Variants in KY observed in about 807,000 individuals in gnomAD.
The protein encoded by KY is kyphoscoliosis peptidase.
KY carries 43 observed loss-of-function variants against 76.1 expected under a neutral mutation model. The observed-to-expected ratio is 0.57, with a 90% CI of 0.44 to 0.73. The LOEUF is 0.73. Ranked by LOEUF, KY falls within the 30% of genes least tolerant of loss-of-function variation. The probability of loss-of-function intolerance (pLI) is 0.00; values close to 1 mark genes in which losing one functional copy is unlikely to be tolerated. For missense variants in KY, 722 were observed against 828.9 expected (o/e 0.87, Z 1.58); for synonymous variants, 277 against 326.2 (o/e 0.85, Z 1.63).
chr3:134,606,991 T>A, intron 10 of KY: 1 of 983,900 alleles, frequency 1.0e-6, no homozygotes, highest in Non-Finnish European at 1.2e-6. Flanking sequence ...AAATACTCTG[T>A]ACATAAGTAT....
intron 8 of KY, among the ~76,000 whole-genome samples, chr3:134,617,157 G>T (rs1961713188): frequency 6.6e-6 from 1 of 152,182 alleles, no homozygotes; most frequent in Non-Finnish European, 1.5e-5. Flanking sequence ...TCCTTCTACA[G>T]TATGCTAGAA....
chr3:134,627,674 G>T, intron 5 of KY, 82 bp downstream of exon 5: 1 of 1,269,636 alleles, frequency 7.9e-7, no homozygotes, highest in African/African-American at 1.5e-5. Context: ...GGCCCAGGAA[G>T]CAACTGTCAA....
chr3:134,608,266 T>G, intron 10 of KY: 2 of 1,200,112 alleles, frequency 1.7e-6, no homozygotes, highest in Non-Finnish European at 2.1e-6. Context: ...GACGTAGTCC[T>G]TTTCCCTGCT....
chr3:134,644,556 C>A (rs989089604), intron 2 of KY, among the ~76,000 whole-genome samples: 1 of 152,360 alleles, frequency 6.6e-6, no homozygotes, highest in South Asian at 2.1e-4. Context: ...GGCCTGCCAT[C>A]TTCTCTCTAT....
chr3:134,628,954 A>G (rs1963845924), intron 4 of KY, among the ~76,000 whole-genome samples: 1 of 152,238 alleles, frequency 6.6e-6, no homozygotes, highest in Admixed American at 6.5e-5. Flanking sequence ...GGACCTAAAG[A>G]GGACTTGAGC....
At chr3:134,648,247 C>T (rs1384252585) in intron 1 of KY, among the ~76,000 whole-genome samples, 5 of 152,182 alleles carry the variant, frequency 3.3e-5, no homozygotes, top group Non-Finnish European at 7.3e-5. Context: ...GTTGGTGCTG[C>T]TTACGGTACT....
In KY at chr3:134,604,432, G is replaced by T. The variant is rs202148426; in HGVS notation, c.1133C>A (p.Thr378Lys). The T allele has an allele frequency of 3.2e-5, 51 of 1,613,478 alleles. 2 individuals are homozygous for T. The South Asian group carries it at 4.9e-4, about 16-fold the overall frequency. Residue 378 changes from threonine to lysine, a missense_variant, in exon 11 of 11, where the codon ACG (threonine) becomes AAG (lysine). Around this residue, in one of 2 missense-constraint regions of KY, gnomAD observed 552 missense variants for 680.9 expected, o/e 0.81. Transcript: ENST00000423778. Reference protein sequence around the residue: ...ATVTIESCAPTLFMFMLNGKQ... With the variant: ...ATVTIESCAPKLFMFMLNGKQ... ...GCCATTGAGCATGAACATGAACAGCGTCGGGGCGCAGCTCTCAATGGTGAC... is the reference window on the plus strand; with the variant it reads ...GCCATTGAGCATGAACATGAACAGCTTCGGGGCGCAGCTCTCAATGGTGAC...
rs1487797612 is a variant in KY at position 134,604,515 on chromosome 3, A to G, written c.1091-41T>C. ...CAGGGTCAGCAGAGATGGGTCCAGC[A>G]CGTGCTGATGTGCTGGTAAATGTTT... On this transcript the variant is annotated intron_variant, in intron 10 of 10. Coordinates refer to ENST00000423778, the MANE Select transcript of KY (RefSeq NM_178554.6). The G allele has an allele frequency of 6.5e-6, 10 of 1,529,588 alleles. No individual in the cohort carries two copies. The Admixed American group carries it at 1.6e-4, about 25-fold the overall frequency. 94.8% of individuals were successfully genotyped at this position (1,529,588 alleles called of 1,614,324 possible). A position where few individuals can be genotyped will look rare whatever the true frequency, so the allele number is the denominator to read the frequency against.
At chr3:134,647,818 A>G (rs1966609795) in intron 1 of KY, among the ~76,000 whole-genome samples, 1 of 152,192 alleles carries the variant, frequency 6.6e-6, no homozygotes, top group African/African-American at 2.4e-5. Flanking sequence ...TTTAGAAGTC[A>G]TTTGCTATCC....
Position 134,603,776 on chromosome 3 carries a change from A to G in KY, c.1789T>C (p.Phe597Leu), listed in dbSNP as rs766548816. 1.9e-6 allele frequency: 3 copies of G among 1,612,820 alleles called. No homozygotes were observed. The highest frequency in any genetic ancestry group is 2.7e-5 in the African/African-American group (2 of 74,916). ...GVLPANRNVP[F>L]KLKLHGIAKV... ...GCAATACCATGCAGCTTCAATTTGA[A>G]TGGGACATTCCGGTTGGCAGGAAGC... The change falls in exon 11 of 11, where the codon TTC becomes CTC. Residue 597 changes from phenylalanine (F) to leucine (L), a missense_variant. Physicochemically the swap from Phe to Leu is conservative, Grantham distance 22. Transcript: ENST00000423778.
In KY at chr3:134,601,212, A is replaced by C. The variant is rs997557638; in HGVS notation, c.*2367T>G. On this transcript the variant is annotated 3_prime_UTR_variant, in exon 11 of 11. Coordinates refer to ENST00000423778, the MANE Select transcript of KY (RefSeq NM_178554.6). Reference sequence around the variant, plus strand: ...GGAAAGAAATGCAGGTGATTTTCTGACTGCGCCTACAGCTGTCTTTACAAA... The same window carrying C: ...GGAAAGAAATGCAGGTGATTTTCTGCCTGCGCCTACAGCTGTCTTTACAAA... The C allele has an allele frequency of 6.6e-6, 1 of 152,116 alleles. No individual in the cohort carries two copies. Among genetic ancestry groups the C allele is most frequent in the African/African-American group, 2.4e-5 (1 of 41,426 alleles). The allele number at this position is 152,116 out of a possible 1,614,324, so 9.4% of individuals were successfully genotyped here.
Position 134,650,720 on chromosome 3 carries a change from T to C in KY, c.136+105A>G, listed in dbSNP as rs1966863516. 3 of 1,117,486 alleles carry C rather than the reference T, an allele frequency of 2.7e-6. No individual in the cohort carries two copies. The South Asian group carries it at 5.0e-5, about 18-fold the overall frequency. The allele number at this position is 1,117,486 out of a possible 1,614,324, so 69.2% of individuals were successfully genotyped here. The stretch of plus-strand genomic sequence containing the variant: ...CCATGGGGGAGAGGGTCGGGTTCGC[T>C]GACCTCGTTCGGGGGAGCAATGGGC... On this transcript the variant is annotated intron_variant, in intron 1 of 10. Transcript: ENST00000423778.
Position 134,619,192 on chromosome 3 carries a change from C to T in KY, c.666G>A (p.Lys222=). The T allele has an allele frequency of 6.2e-7, 1 of 1,613,962 alleles. No homozygotes were observed. Among genetic ancestry groups the T allele is most frequent in the African/African-American group, 1.3e-5 (1 of 75,052 alleles). ...GGCCAGCATAGCCATCACAGTTGGT[C>T]TTCTGGGTCCGCAGGATGTCAGTGG... The part of the protein sequence containing the change: ...FKPTDILRTQ[K]TNCDGYAGLF... Residue 222 remains lysine, a synonymous_variant, in exon 8 of 11, where the codon AAG becomes AAA. Transcript: ENST00000423778.
At chr3:134,646,580 A>G (rs1390938830) in intron 2 of KY, among the ~76,000 whole-genome samples, 1 of 152,172 alleles carries the variant, frequency 6.6e-6, no homozygotes, top group East Asian at 1.9e-4. Flanking sequence ...TCACTTTTAG[A>G]ACTTCATCTT....
chr3:134,617,518 TG>T (rs1961777719), intron 8 of KY, among the ~76,000 whole-genome samples: 1 of 152,222 alleles, frequency 6.6e-6, no homozygotes, highest in Middle Eastern at 3.2e-3. Context: ...AGGTAATTCC[TG>T]TATGCACAGA....
intron 1 of KY, among the ~76,000 whole-genome samples, chr3:134,648,904 G>A (rs1351969419): frequency 2.0e-5 from 3 of 152,204 alleles, no homozygotes; most frequent in Non-Finnish European, 2.9e-5. Flanking sequence ...GAGGAGAAAG[G>A]AGGAGATACC....
At chr3:134,611,491 A>G (rs1252606455) in intron 8 of KY, among the ~76,000 whole-genome samples, 1 of 152,248 alleles carries the variant, frequency 6.6e-6, no homozygotes, top group Non-Finnish European at 1.5e-5. Context: ...GGGACATCCC[A>G]TGCTAGCCCT....
chr3:134,619,720 A>G (rs749301433), intron 7 of KY, among the ~76,000 whole-genome samples: 1 of 152,234 alleles, frequency 6.6e-6, no homozygotes, highest in Non-Finnish European at 1.5e-5. Context: ...GGATGAAGAC[A>G]TTGCAAAGAA....
At chr3:134,629,938 A>C (rs1031807452) in intron 3 of KY, among the ~76,000 whole-genome samples, 4 of 152,222 alleles carry the variant, frequency 2.6e-5, no homozygotes, top group African/African-American at 9.6e-5. Context: ...ATTATAAACA[A>C]TGTACTGAAT....
Sources: allele counts gnomAD v4.1 joint callset (sites outside exome capture counted in the v4.1 genomes callset), GRCh38; gene constraint gnomAD v4.1.1; regional missense constraint gnomAD v4.1.1; transcripts MANE v1.5; gene names NCBI Gene and HGNC (gene_info 2026-07-23, HGNC 2026-07-21).